The following GALNT1 variants were observed in gnomAD, a reference collection of about 807,000 sequenced individuals.
GALNT1 encodes GalNAc transferase 1.
In GALNT1, 17 loss-of-function variants were observed where a neutral mutation model predicts 65.7. The observed-to-expected ratio is 0.26, with a 90% CI of 0.18 to 0.39. The LOEUF (loss-of-function observed/expected upper bound fraction) is 0.39. GALNT1 is among the 10% of genes least tolerant of loss of function. The pLI, the probability that GALNT1 is intolerant of heterozygous loss-of-function variation, is 1.00. For synonymous variants in GALNT1, 210 were observed against 219.7 expected (o/e 0.96, Z 0.39); for missense variants, 460 against 672.8 (o/e 0.68, Z 3.50).
rs755568575 is a variant in GALNT1 at position 35,587,019 on chromosome 18, G to A, written c.-104+5157G>A. Among the ~76,000 whole-genome samples the A allele has an allele frequency of 9.5e-4, 144 of 152,232 alleles. 1 individual carries two copies. Among genetic ancestry groups the A allele is most frequent in the African/African-American group, 3.0e-3 (125 of 41,568 alleles). On this transcript the variant is annotated intron_variant, in intron 1 of 11. Coordinates refer to ENST00000269195, the MANE Select transcript of GALNT1 (RefSeq NM_020474.4). ...CCTTGATTTCTTTCATCAGCATTGTGTAGTTTTATCATGCAAGTCCTGTAC... is the reference window on the plus strand; with the variant it reads ...CCTTGATTTCTTTCATCAGCATTGTATAGTTTTATCATGCAAGTCCTGTAC...
At chr18:35,625,267 C>T (rs552082545) in intron 1 of GALNT1, among the ~76,000 whole-genome samples, 1 of 152,196 alleles carries the variant, frequency 6.6e-6, no homozygotes, top group African/African-American at 2.4e-5. Context: ...TGCTGAAATT[C>T]CCAGGGAGGA....
intron 1 of GALNT1, among the ~76,000 whole-genome samples, chr18:35,606,213 C>T (rs2046645238): frequency 1.3e-5 from 2 of 152,128 alleles, no homozygotes. Context: ...ATAAAGCTTC[C>T]GCCTGGAAGT....
chr18:35,672,662 A>G (rs2047653157), intron 3 of GALNT1, among the ~76,000 whole-genome samples: 1 of 152,004 alleles, frequency 6.6e-6, no homozygotes, highest in African/African-American at 2.4e-5. Context: ...TGACATTATT[A>G]CACTGTTCAG....
chr18:35,691,078 G>GCTACACCTTACACGTTTC lies in GALNT1; in HGVS notation c.1047_1064dup (p.Thr350_Pro355dup), dbSNP rs1176890956. 1.9e-6 allele frequency: 3 copies of GCTACACCTTACACGTTTC among 1,612,596 alleles called. No individual in the cohort carries two copies. The highest frequency in any genetic ancestry group is 2.5e-6 in the Non-Finnish European group (3 of 1,179,468). On this transcript the variant is annotated inframe_insertion, in exon 8 of 12. Coordinates refer to ENST00000269195, the MANE Select transcript of GALNT1 (RefSeq NM_020474.4). ...ACATGTTGGACATGTGTTTCGGAAAGCTACACCTTACACGTTTCCAGGAGG... is the reference window on the plus strand; with the variant it reads ...ACATGTTGGACATGTGTTTCGGAAAGCTACACCTTACACGTTTCCTACACCTTACACGTTTCCAGGAGG...
intron 9 of GALNT1, among the ~76,000 whole-genome samples, chr18:35,702,204 T>A (rs900968797): frequency 6.6e-6 from 1 of 152,214 alleles, no homozygotes; most frequent in Non-Finnish European, 1.5e-5. Context: ...TTACCTTTTT[T>A]AAAAAGTCTA....
At chr18:35,631,307 A>G (rs1157499701) in intron 1 of GALNT1, among the ~76,000 whole-genome samples, 2 of 152,324 alleles carry the variant, frequency 1.3e-5, no homozygotes, top group African/African-American at 2.4e-5. Context: ...AAAATCCTCA[A>G]TAAAATACTG....
intron 1 of GALNT1, among the ~76,000 whole-genome samples, chr18:35,603,980 A>G (rs536534101): frequency 3.2e-4 from 49 of 152,214 alleles, no homozygotes; most frequent in African/African-American, 1.2e-3. Flanking sequence ...TTACATGGGT[A>G]TATTGCATGC....
Position 35,650,370 on chromosome 18 carries a change from G to A in GALNT1, c.-103-4190G>A, listed in dbSNP as rs543603306. Among the ~76,000 whole-genome samples, 5 of 152,286 alleles carry A rather than the reference G, an allele frequency of 3.3e-5. No individual in the cohort carries two copies. In the East Asian group the frequency reaches 5.8e-4, roughly 18 times the overall value. The stretch of plus-strand genomic sequence containing the variant: ...ATCACAAGGCAAATGGAGGCAGGGC[G>A]AGATCACAGGATCGTGGCGAAATTA... On this transcript the variant is annotated intron_variant, in intron 1 of 11. Transcript: ENST00000269195.
chr18:35,620,831 T>C (rs1423301752), intron 1 of GALNT1, among the ~76,000 whole-genome samples: 1 of 152,088 alleles, frequency 6.6e-6, no homozygotes, highest in Non-Finnish European at 1.5e-5. Flanking sequence ...TGTCTCTTTA[T>C]ACTCATGTGT....
intron 1 of GALNT1, among the ~76,000 whole-genome samples, chr18:35,645,618 A>G (rs1276356085): frequency 1.3e-5 from 2 of 152,178 alleles, no homozygotes; most frequent in African/African-American, 4.8e-5. Context: ...CTGCCTTATG[A>G]AATCAATAAT....
intron 1 of GALNT1, among the ~76,000 whole-genome samples, chr18:35,637,911 T>C (rs1180817129): frequency 6.6e-6 from 1 of 152,216 alleles, no homozygotes; most frequent in African/African-American, 2.4e-5. Flanking sequence ...TTACACTAAA[T>C]CTATTCTGCC....
rs111633296 is a variant in GALNT1 at position 35,642,003 on chromosome 18, G to A, written c.-103-12557G>A. 6.4e-3 allele frequency among the ~76,000 whole-genome samples: 972 copies of A among 152,272 alleles called. 19 individuals carry two copies. Among genetic ancestry groups the A allele is most frequent in the African/African-American group, 0.022 (922 of 41,552 alleles). On this transcript the variant is annotated intron_variant, in intron 1 of 11. Transcript: ENST00000269195. ...TTGGAATATTGTCACATTCATTTAT[G>A]TACCTCTTACAGATGCTTTCATGGT...
chr18:35,698,191 C>T (rs534195768), intron 9 of GALNT1, among the ~76,000 whole-genome samples: 6 of 152,292 alleles, frequency 3.9e-5, no homozygotes, highest in East Asian at 1.9e-4. Flanking sequence ...AATTAGGCCA[C>T]GCCTGGTGAC....
chr18:35,623,301 C>A (rs1568017613), intron 1 of GALNT1, among the ~76,000 whole-genome samples: 1 of 151,036 alleles, frequency 6.6e-6, no homozygotes, highest in South Asian at 2.1e-4. Context: ...CTTTTTTTTT[C>A]CCCTGTACAT....
intron 2 of GALNT1, among the ~76,000 whole-genome samples, chr18:35,657,226 C>A (rs1341664345): frequency 6.6e-6 from 1 of 152,024 alleles, no homozygotes; most frequent in East Asian, 1.9e-4. Context: ...CTCTTGAGTA[C>A]CTGCAGTTAC....
chr18:35,635,093 A>T (rs1277795787), intron 1 of GALNT1, among the ~76,000 whole-genome samples: 1 of 152,162 alleles, frequency 6.6e-6, no homozygotes, highest in Non-Finnish European at 1.5e-5. Context: ...AGCTGTACTC[A>T]TGGCTCAAGT....
chr18:35,701,005 AG>A (rs1291032960), intron 9 of GALNT1, among the ~76,000 whole-genome samples: 2 of 152,196 alleles, frequency 1.3e-5, no homozygotes, highest in Non-Finnish European at 2.9e-5. Context: ...TTATATCAAA[AG>A]TATAAGGAAA....
chr18:35,622,008 G>C (rs1000943588), intron 1 of GALNT1, among the ~76,000 whole-genome samples: 1 of 152,106 alleles, frequency 6.6e-6, no homozygotes, highest in African/African-American at 2.4e-5. Flanking sequence ...AGAGTTCTCT[G>C]ACCTTGTTGT....
chr18:35,679,241 C>T (rs1425931724), intron 4 of GALNT1, among the ~76,000 whole-genome samples: 1 of 152,104 alleles, frequency 6.6e-6, no homozygotes, highest in Non-Finnish European at 1.5e-5. Context: ...ATGACTTGTG[C>T]TTGGTTTACT....
Sources: gnomAD v4.1 joint callset for allele counts (sites outside exome capture counted in the v4.1 genomes callset) on GRCh38, gnomAD v4.1.1 for gene constraint, MANE v1.5 for transcripts, NCBI Gene and HGNC (gene_info 2026-07-23, HGNC 2026-07-21) for gene names.